The following HID1 variants were observed in gnomAD, a reference collection of about 807,000 sequenced individuals.
HID1 encodes HID1 domain containing.
A neutral mutation model predicts 89.7 loss-of-function variants in HID1; 42 were observed. The ratio of observed to expected loss-of-function variants is 0.47; its 90% confidence interval spans 0.37 to 0.61. HID1 has a LOEUF of 0.61. Among genes scored for constraint, HID1 ranks in the 20% least tolerant of loss-of-function variants. The probability of loss-of-function intolerance (pLI) is 0.00; values close to 1 mark genes in which losing one functional copy is unlikely to be tolerated. For missense variants in HID1, 854 were observed against 1,039.3 expected (o/e 0.82, Z 2.45); for synonymous variants, 442 against 433.8 (o/e 1.02, Z -0.24).
intron 1 of HID1, among the ~76,000 whole-genome samples, chr17:74,968,423 A>G (rs1488338927): frequency 6.6e-6 from 1 of 151,688 alleles, no homozygotes; most frequent in Non-Finnish European, 1.5e-5. Context: ...TTGGGGTCGC[A>G]TGCCTCACCA....
intron 15 of HID1, among the ~76,000 whole-genome samples, 188 bp from the exon 16 acceptor site, chr17:74,953,274 G>A (rs576693730): frequency 1.3e-5 from 2 of 152,288 alleles, no homozygotes; most frequent in East Asian, 3.9e-4. Flanking sequence ...AGCTGACAGG[G>A]CAGGCCGGGT....
In HID1 at chr17:74,953,583, G is replaced by A. The variant is rs2144799713; in HGVS notation, c.1933C>T (p.Pro645Ser). ...CTGCCATCCTCCAAGCTCTGCTGGG[G>A]CTCAGGTTCCAGGGACCGCAAGGTG... ...DGTLRSLEPE[P>S]QQSLEDGSPA... The change falls in exon 15 of 19, where the codon CCC becomes TCC. Residue 645 changes from proline (P) to serine (S), a missense_variant. Pro to Ser is a moderately conservative substitution (Grantham distance 74). Coordinates refer to ENST00000425042, the MANE Select transcript of HID1 (RefSeq NM_030630.3). 6.2e-7 allele frequency: 1 copy of A among 1,614,038 alleles called. No individual in the cohort carries two copies. Among genetic ancestry groups the A allele is most frequent in the Non-Finnish European group, 8.5e-7 (1 of 1,179,948 alleles).
chr17:74,954,011 C>T, intron 14 of HID1, 127 bp downstream of exon 14: 8 of 945,984 alleles, frequency 8.5e-6, no homozygotes, highest in Middle Eastern at 2.1e-4. Context: ...TGTTGCCCAG[C>T]CCCATCCCCT....
Position 74,955,853 on chromosome 17 carries a change from G to A in HID1, c.1575C>T (p.Asn525=). ...CCAGGAGGAAGAAGACCAGGTGGTG[G>A]TTCTGGGCGGCAGAGAAGAGGAACC... ...TTWFLFSAAQ[N]HHLVFFLLEV... The change falls in exon 13 of 19, where the codon AAC becomes AAT. Residue 525 remains asparagine (N), a synonymous_variant. Transcript: ENST00000425042. 1 of 1,614,200 alleles carries A rather than the reference G, an allele frequency of 6.2e-7. No homozygotes were observed. Among genetic ancestry groups the A allele is most frequent in the Non-Finnish European group, 8.5e-7 (1 of 1,180,040 alleles).
At chr17:74,952,767 G>A (rs1328691000) in intron 16 of HID1, among the ~76,000 whole-genome samples, 1 of 152,156 alleles carries the variant, frequency 6.6e-6, no homozygotes, top group African/African-American at 2.4e-5. Flanking sequence ...ATCCTGCTGG[G>A]GACTCTGGCA....
intron 1 of HID1, among the ~76,000 whole-genome samples, chr17:74,968,338 C>T (rs139741535): frequency 1.1e-4 from 16 of 152,200 alleles, no homozygotes; most frequent in East Asian, 1.9e-4. Context: ...ACTGAAGCTG[C>T]GCTCAGTCCT....
chr17:74,960,487 G>C (rs1166142117), intron 6 of HID1, among the ~76,000 whole-genome samples: 2 of 152,234 alleles, frequency 1.3e-5, no homozygotes, highest in East Asian at 1.9e-4. Flanking sequence ...GGGAATGGAG[G>C]CCTGTGGAGA....
rs564663860 is a variant in HID1, at chr17:74,963,831, C to T, written c.296G>A (p.Arg99Gln). ...GTAGGGCAGCACGCGGGTGAGCAGC[C>T]GGCTGCAGTTCAGGACGATCTGCTT... ...KEKQIVLNCS[R>Q]LLTRVLPYIF... The change falls in exon 3 of 19, where the codon CGG (arginine) becomes CAG (glutamine). Residue 99 changes from arginine to glutamine, a missense_variant. Physicochemically the swap from Arg to Gln is conservative, Grantham distance 43 (BLOSUM62 1). Transcript: ENST00000425042. 169 of 1,614,110 alleles carry T rather than the reference C, an allele frequency of 1.0e-4. No homozygotes were observed. The South Asian group carries it at 1.5e-3, about 14-fold the overall frequency.
At chr17:74,963,559 G>T in intron 3 of HID1, 181 bp downstream of exon 3, 1 of 625,280 alleles carries the variant, frequency 1.6e-6, no homozygotes, top group Non-Finnish European at 2.8e-6. Flanking sequence ...ACCCCCATGG[G>T]AGGGGAACTG....
At chr17:74,956,992 C>T (rs1044844290) in intron 12 of HID1, among the ~76,000 whole-genome samples, 1 of 152,222 alleles carries the variant, frequency 6.6e-6, no homozygotes, top group African/African-American at 2.4e-5. Flanking sequence ...GTGGCCATTT[C>T]GTGCTTGAAA....
chr17:74,954,258 G>A lies in HID1; in HGVS notation c.1744C>T (p.Arg582Trp), dbSNP rs763442823. The A allele has an allele frequency of 6.2e-5, 98 of 1,588,558 alleles. No individual in the cohort carries two copies. The highest frequency in any genetic ancestry group is 1.7e-4 in the Middle Eastern group (1 of 6,024). Reference protein sequence around the residue: ...PTIHKALQRRRRTPEPLSRTG... With the variant: ...PTIHKALQRRWRTPEPLSRTG... ...CGAGACAAGGGCTCAGGTGTCCGCC[G>A]GCGCCGCTGCAGGGCCTTGTGAATG... Residue 582 changes from arginine to tryptophan, a missense_variant, in exon 14 of 19, where the codon CGG (arginine) becomes TGG (tryptophan). Transcript: ENST00000425042.
chr17:74,958,381 G>C lies in HID1; in HGVS notation c.1338C>G (p.Arg446=), dbSNP rs143354711. ...GVRLNKPYSI[R]VPMDIPVFTG... Reference sequence around the variant, plus strand: ...TGAAGACTGGGATGTCCATGGGCACGCGGATTGAGTAGGGTTTGTTCAGCC... The same window carrying C: ...TGAAGACTGGGATGTCCATGGGCACCCGGATTGAGTAGGGTTTGTTCAGCC... The change falls in exon 11 of 19, where the codon CGC becomes CGG. Residue 446 remains arginine (R), a synonymous_variant. Transcript: ENST00000425042. This position sits in a 1 kb window ranked among gnomAD's most constrained non-coding sequence, Gnocchi z 5.2. 2.5e-6 allele frequency: 4 copies of C among 1,612,430 alleles called. No individual in the cohort carries two copies. In the African/African-American group the frequency reaches 5.3e-5, roughly 22 times the overall value.
In HID1 at chr17:74,954,212, G is replaced by A. The variant is rs751970514; in HGVS notation, c.1790C>T (p.Thr597Ile). The A allele has an allele frequency of 1.1e-5, 18 of 1,599,306 alleles. No individual in the cohort carries two copies. The highest frequency in any genetic ancestry group is 1.6e-4 in the Middle Eastern group (1 of 6,064). Residue 597 changes from threonine (T) to isoleucine (I), a missense_variant, in exon 14 of 19, where the codon ACC (threonine) becomes ATC (isoleucine). Physicochemically the swap from Thr to Ile is moderately conservative, Grantham distance 89 (BLOSUM62 -1). Transcript: ENST00000425042. ...PLSRTGSQEG[T>I]SMEGSRPAAP... ...AGCGGGGCGGGAGCCCTCCATGGAG[G>A]TGCCCTCCTGGGAGCCGGTGCGAGA...
chr17:74,963,770 C>A lies in HID1; in HGVS notation c.357G>T (p.Trp119Cys), dbSNP rs2039520365. Residue 119 changes from tryptophan (W) to cysteine (C), a missense_variant, in exon 3 of 19, where the codon TGG becomes TGT. Coordinates refer to ENST00000425042, the MANE Select transcript of HID1 (RefSeq NM_030630.3). ...FEDPDWRGFF[W>C]STVPGAGRGG... ...CTCGCCCTGCCCCGGGCACTGTGGACCAGAAGAAGCCCCTCCAGTCGGGGT... is the reference window on the plus strand; with the variant it reads ...CTCGCCCTGCCCCGGGCACTGTGGAACAGAAGAAGCCCCTCCAGTCGGGGT... 1 of 1,613,282 alleles carries A rather than the reference C, an allele frequency of 6.2e-7. No homozygotes were observed. Among genetic ancestry groups the A allele is most frequent in the African/African-American group, 1.3e-5 (1 of 75,054 alleles).
rs776286897 is a variant in HID1, at chr17:74,958,387, T to C, written c.1332A>G (p.Ser444=). 1 of 1,612,056 alleles carries C rather than the reference T, an allele frequency of 6.2e-7. No individual in the cohort carries two copies. The highest frequency in any genetic ancestry group is 1.1e-5 in the South Asian group (1 of 90,600). Residue 444 remains serine (S), a synonymous_variant, in exon 11 of 19, where the codon TCA becomes TCG. Transcript: ENST00000425042. This position sits in a 1 kb window ranked among gnomAD's most constrained non-coding sequence, Gnocchi z 5.2. ...CTGGGATGTCCATGGGCACGCGGAT[T>C]GAGTAGGGTTTGTTCAGCCGCACCC... ...NFGVRLNKPY[S]IRVPMDIPVF... is the part of the protein sequence containing the mutation.
At chr17:74,952,891 A>G (rs919849425) in intron 16 of HID1, 115 bp downstream of exon 16, 32 of 756,654 alleles carry the variant, frequency 4.2e-5, no homozygotes, top group Non-Finnish European at 6.1e-5. Flanking sequence ...TGATTCGGAC[A>G]TCTTGCCATC....
chr17:74,958,930 T>A lies in HID1; in HGVS notation c.1130A>T (p.Lys377Met). 1 of 1,598,734 alleles carries A rather than the reference T, an allele frequency of 6.3e-7. No homozygotes were observed. Among genetic ancestry groups the A allele is most frequent in the East Asian group, 2.2e-5 (1 of 44,796 alleles). The change falls in exon 9 of 19, where the codon AAG becomes ATG. Residue 377 changes from lysine (K) to methionine (M), a missense_variant. Physicochemically the swap from Lys to Met is moderately conservative, Grantham distance 95. Coordinates refer to ENST00000425042, the MANE Select transcript of HID1 (RefSeq NM_030630.3). The surrounding 1 kb of genome is among the most constrained non-coding windows in gnomAD (Gnocchi z 5.2). The stretch of plus-strand genomic sequence containing the variant: ...GCCCACCTTGTTGAAGTCGCAGAGC[T>A]TCCAGAAGAGAACTAGCAGCTCCTG... Reference protein sequence around the residue: ...FHQELLVLFWKLCDFNKKFLF... With the variant: ...FHQELLVLFWMLCDFNKKFLF...
intron 1 of HID1, among the ~76,000 whole-genome samples, chr17:74,965,521 T>A (rs758337754): frequency 2.0e-5 from 3 of 152,200 alleles, no homozygotes; most frequent in Non-Finnish European, 4.4e-5. Flanking sequence ...CCCTGCCATC[T>A]CTTCTCTTGA....
intron 15 of HID1, 108 bp from the exon 16 acceptor site, chr17:74,953,194 A>G: frequency 1.0e-6 from 1 of 988,842 alleles, no homozygotes; most frequent in South Asian, 1.6e-5. Flanking sequence ...ACAAAGGGGA[A>G]GGCCCAGCCC....
Sources: allele counts gnomAD v4.1 joint callset (sites outside exome capture counted in the v4.1 genomes callset), GRCh38; gene constraint gnomAD v4.1.1; non-coding constraint Gnocchi (gnomAD v3.1); transcripts MANE v1.5; gene names NCBI Gene and HGNC (gene_info 2026-07-23, HGNC 2026-07-21).